RPGRIP1: variants seen among roughly 807,000 people sequenced by gnomAD.
RPGRIP1 encodes the protein X-linked retinitis pigmentosa GTPase regulator-interacting protein 1.
Under a neutral mutation model 157.9 loss-of-function variants are expected in RPGRIP1, and 128 were observed. The observed-to-expected ratio is 0.81, with a 90% CI of 0.70 to 0.94. The LOEUF (loss-of-function observed/expected upper bound fraction) is 0.94. RPGRIP1 is among the 40% of genes least tolerant of loss of function. RPGRIP1 has a pLI of 0.00. For synonymous variants in RPGRIP1, 554 were observed against 571.6 expected, an observed-to-expected ratio of 0.97 and a Z score of 0.44; for missense variants, 1,486 against 1,545.8, an observed-to-expected ratio of 0.96 and a Z score of 0.65.
intron 10 of RPGRIP1, among the ~76,000 whole-genome samples, chr14:21,315,785 GTTATTATTA>G (rs201944500): frequency 6.7e-6 from 1 of 150,262 alleles, no homozygotes; most frequent in Non-Finnish European, 1.5e-5. Flanking sequence ...GCCTAAGTAG[GTTATTATTA>G]TTATTATTAT....
chr14:21,312,460 A>G lies in RPGRIP1; in HGVS notation c.1105A>G (p.Lys369Glu), dbSNP rs759474031. 21 of 1,611,654 alleles carry G rather than the reference A, an allele frequency of 1.3e-5. No individual in the cohort carries two copies. The highest frequency in any genetic ancestry group is 1.7e-5 in the Non-Finnish European group (20 of 1,178,652). The change falls in exon 10 of 25, where the codon AAA becomes GAA. Residue 369 changes from lysine (K) to glutamate (E), a missense_variant. Physicochemically the swap from Lys to Glu is moderately conservative, Grantham distance 56. Coordinates refer to ENST00000400017, the MANE Select transcript of RPGRIP1 (RefSeq NM_020366.4). The part of the protein sequence containing the change: ...EFQERVEDLE[K>E]ERKLLNDNYD... ...TCAGGAGAGAGTTGAAGATTTGGAA[A>G]AAGAACGAAAATTGCTGAATGACAA...
At chr14:21,301,262 AC>A (rs1377841468) in intron 4 of RPGRIP1, 25 bp downstream of exon 4, 1 of 1,566,762 alleles carries the variant, frequency 6.4e-7, no homozygotes, top group Non-Finnish European at 8.6e-7. Flanking sequence ...TACATCCCCT[AC>A]AGGGCTAAGA....
In RPGRIP1 at chr14:21,310,047, A is replaced by G. The variant is rs1394010233; in HGVS notation, c.907-537A>G. On this transcript the variant is annotated intron_variant, in intron 7 of 24. Coordinates refer to ENST00000400017, the MANE Select transcript of RPGRIP1 (RefSeq NM_020366.4). Reference sequence around the variant, plus strand: ...TTGCAGTGAGCCAAGATTGTGCCGCAGCACTCCAGCCTGGGCAACAGAGTG... The same window carrying G: ...TTGCAGTGAGCCAAGATTGTGCCGCGGCACTCCAGCCTGGGCAACAGAGTG... 2.8e-5 allele frequency among the ~76,000 whole-genome samples: 3 copies of G among 105,342 alleles called. 1 individual carries two copies. The highest frequency in any genetic ancestry group is 6.1e-5 in the Non-Finnish European group (3 of 48,954). 69.1% of individuals were successfully genotyped at this position (105,342 alleles called of 152,430 possible). A position where few individuals can be genotyped will look rare whatever the true frequency, so the allele number is the denominator to read the frequency against.
At chr14:21,317,352 C>T (rs996199358) in intron 10 of RPGRIP1, among the ~76,000 whole-genome samples, 2 of 152,132 alleles carry the variant, frequency 1.3e-5, no homozygotes, top group African/African-American at 4.8e-5. Flanking sequence ...AGATTTTGTT[C>T]CTCATTTCTA....
chr14:21,306,163 A>ACTT (rs970113512), intron 6 of RPGRIP1, among the ~76,000 whole-genome samples: 8 of 103,962 alleles, frequency 7.7e-5, no homozygotes, highest in African/African-American at 3.4e-4. Context: ...ACAGAGTCTC[A>ACTT]CTTTGTTGCC....
intron 6 of RPGRIP1, among the ~76,000 whole-genome samples, chr14:21,304,306 ACT>A (rs1881179438): frequency 6.8e-6 from 1 of 148,040 alleles, no homozygotes; most frequent in Admixed American, 6.8e-5. Flanking sequence ...CAAGAGCAAA[ACT>A]CTGTCAAAAA....
In RPGRIP1 at chr14:21,324,725, G is replaced by A; in HGVS notation, c.1870G>A (p.Gly624Ser). Residue 624 changes from glycine to serine, a missense_variant, in exon 15 of 25, where the codon GGT (glycine) becomes AGT (serine). Transcript: ENST00000400017. ...DKVDISLLHQ[G>S]ENLFELHIHQ... is the part of the protein sequence containing the mutation. ...AGTGGATATTTCTCTGCTGCATCAGGGTGAGAATCTTTTTGAACTGCACAT... is the reference window on the plus strand; with the variant it reads ...AGTGGATATTTCTCTGCTGCATCAGAGTGAGAATCTTTTTGAACTGCACAT... The A allele has an allele frequency of 5.0e-6, 8 of 1,614,004 alleles. No individual in the cohort carries two copies. The highest frequency in any genetic ancestry group is 6.8e-6 in the Non-Finnish European group (8 of 1,179,898).
intron 23 of RPGRIP1, among the ~76,000 whole-genome samples, chr14:21,347,180 T>G (rs1007908946): frequency 4.6e-5 from 7 of 152,266 alleles, no homozygotes; most frequent in African/African-American, 1.7e-4. Context: ...TTTTTGCCAG[T>G]ATGGTCTAGC....
rs398124356 is a variant in RPGRIP1 at position 21,303,526 on chromosome 14, G to A, written c.783G>A (p.Gln261=). The stretch of plus-strand genomic sequence containing the variant: ...AGAGAAGCTCATTGGAGTGTGCTCA[G>A]AAGGCTGCAGAGCTTCGGTAAGAGT... ...FEQRSSLECA[Q]KAAELRASIK... The change falls in exon 6 of 25, where the codon CAG becomes CAA. Residue 261 remains glutamine, a synonymous_variant. Transcript: ENST00000400017. 1.6e-5 allele frequency: 26 copies of A among 1,613,638 alleles called. No individual in the cohort carries two copies. Among genetic ancestry groups the A allele is most frequent in the Non-Finnish European group, 2.2e-5 (26 of 1,179,732 alleles).
At chr14:21,297,880 T>TC (rs1555365051) in intron 3 of RPGRIP1, among the ~76,000 whole-genome samples, 3,594 of 149,040 alleles carry the variant, frequency 0.024, 119 homozygotes, top group African/African-American at 0.081. Context: ...TTTCTTTCTT[T>TC]TTTTTGAGAT....
rs770218757 is a variant in RPGRIP1 at position 21,351,227 on chromosome 14, G to A, written c.*11G>A. On this transcript the variant is annotated 3_prime_UTR_variant, in exon 25 of 25. Transcript: ENST00000400017. The stretch of plus-strand genomic sequence containing the variant: ...GATTTGTTTTCATGAAGGAACAAGT[G>A]CTATTCCAATCTAAAAGTCTCTGAG... The A allele has an allele frequency of 5.3e-6, 8 of 1,501,350 alleles. No individual in the cohort carries two copies. The East Asian group carries it at 1.8e-4, about 34-fold the overall frequency. The allele number at this position is 1,501,350 out of a possible 1,614,324, so 93.0% of individuals were successfully genotyped here. A position where few individuals can be genotyped will look rare whatever the true frequency, so the allele number is the denominator to read the frequency against.
rs115352949 is a variant in RPGRIP1, at chr14:21,341,328, G to A, written c.3340-1708G>A. Among the ~76,000 whole-genome samples the A allele has an allele frequency of 7.7e-3, 1,176 of 152,200 alleles. 18 individuals are homozygous for A. The highest frequency in any genetic ancestry group is 0.027 in the African/African-American group (1,135 of 41,510). On this transcript the variant is annotated intron_variant, in intron 21 of 24. Transcript: ENST00000400017. ...TTACAGGTGTGAGCCTCTGCACCCC[G>A]CCAAATATCTTCATTTTTAAGAAGC... is the stretch of plus-strand genomic sequence containing the variant.
chr14:21,283,834 G>A (rs1291748390), intron 1 of RPGRIP1, among the ~76,000 whole-genome samples: 2 of 150,402 alleles, frequency 1.3e-5, no homozygotes, highest in East Asian at 2.0e-4. Context: ...CTTTTGTCAT[G>A]TGGCTGGGCT....
chr14:21,328,195 C>G (rs558589466), intron 18 of RPGRIP1, among the ~76,000 whole-genome samples: 4 of 151,820 alleles, frequency 2.6e-5, no homozygotes, highest in Non-Finnish European at 5.9e-5. Context: ...AAGAAATTCC[C>G]TCTGTGAGTG....
rs770147870 is a variant in RPGRIP1 at position 21,321,988 on chromosome 14, T to C, written c.1746T>C (p.His582=). 4.7e-5 allele frequency: 76 copies of C among 1,612,910 alleles called. 1 individual carries two copies. Among genetic ancestry groups the C allele is most frequent in the Non-Finnish European group, 6.4e-5 (75 of 1,179,518 alleles). The change falls in exon 14 of 25, where the codon CAT becomes CAC. Residue 582 remains histidine (H), a synonymous_variant. Coordinates refer to ENST00000400017, the MANE Select transcript of RPGRIP1 (RefSeq NM_020366.4). The part of the protein sequence containing the change: ...IKQLEGILRS[H]DLPTSEQLKD... ...AGCTGGAAGGTATTTTAAGAAGCCA[T>C]GACCTTCCAACATCTGGCAAGTCTT...
intron 11 of RPGRIP1, among the ~76,000 whole-genome samples, chr14:21,319,013 C>T (rs1314920821): frequency 2.0e-5 from 3 of 151,950 alleles, no homozygotes; most frequent in Non-Finnish European, 1.5e-5. Flanking sequence ...CTAGCCTGGA[C>T]CTTAATATTT....
chr14:21,321,245 G>C lies in RPGRIP1; in HGVS notation c.1468-14G>C, dbSNP rs142196176. 1 of 1,607,818 alleles carries C rather than the reference G, an allele frequency of 6.2e-7. No individual in the cohort carries two copies. ...TATTTATACTCCCTTTTACCAATGC[G>C]TTTCCCTCTACAGCCAAGTGAACCC... On this transcript the variant is annotated splice_polypyrimidine_tract_variant and intron_variant, in intron 12 of 24. Coordinates refer to ENST00000400017, the MANE Select transcript of RPGRIP1 (RefSeq NM_020366.4).
intron 8 of RPGRIP1, 142 bp from the exon 9 acceptor site, chr14:21,311,682 A>C (rs931631012): frequency 1.1e-5 from 6 of 552,840 alleles, no homozygotes; most frequent in African/African-American, 9.9e-5. Flanking sequence ...AACAAGGTTA[A>C]CGAACAGTAC....
At chr14:21,292,158 T>C (rs1375834806) in intron 2 of RPGRIP1, among the ~76,000 whole-genome samples, 1 of 152,138 alleles carries the variant, frequency 6.6e-6, no homozygotes, top group East Asian at 1.9e-4. Context: ...TTCCAAAGTG[T>C]TGATATCACA....
Sources: gnomAD v4.1 joint callset for allele counts (sites outside exome capture counted in the v4.1 genomes callset) on GRCh38, gnomAD v4.1.1 for gene constraint, MANE v1.5 for transcripts, NCBI Gene and HGNC (gene_info 2026-07-23, HGNC 2026-07-21) for gene names.